NDRG3: variants seen among roughly 807,000 people sequenced by gnomAD.
NDRG3 encodes NDRG family member 3, also known as protein NDRG3.
A neutral mutation model predicts 57.2 loss-of-function variants in NDRG3; 23 were observed. The ratio of observed to expected loss-of-function variants is 0.40; its 90% CI spans 0.29 to 0.57. NDRG3 has a LOEUF of 0.57. NDRG3 is among the 20% of genes least tolerant of loss of function. The probability of loss-of-function intolerance (pLI) is 0.42; values close to 1 mark genes in which losing one functional copy is unlikely to be tolerated. For missense variants in NDRG3, 384 were observed against 457.3 expected (o/e 0.84, Z 1.46); for synonymous variants, 132 against 162.6 (o/e 0.81, Z 1.43).
rs550880505 is a variant in NDRG3, at chr20:36,712,545, G to GCCACCAT, written c.58-5545_58-5539dup. Among the ~76,000 whole-genome samples the GCCACCAT allele has an allele frequency of 6.1e-3, 678 of 111,176 alleles. 3 individuals are homozygous for GCCACCAT. Among genetic ancestry groups the GCCACCAT allele is most frequent in the South Asian group, 0.011 (36 of 3,216 alleles). The allele number at this position is 111,176 out of a possible 152,430, so 72.9% of individuals were successfully genotyped here. On this transcript the variant is annotated intron_variant, in intron 2 of 15. Coordinates refer to ENST00000349004, the MANE Select transcript of NDRG3 (RefSeq NM_032013.4). ...TGAGTAGCTGGGACTACTGGCATGT[G>GCCACCAT]CCACCATGCCCGGCTATATATATAT...
intron 15 of NDRG3, among the ~76,000 whole-genome samples, chr20:36,654,564 T>G (rs1341763323): frequency 6.6e-6 from 1 of 152,220 alleles, no homozygotes; most frequent in Non-Finnish European, 1.5e-5. Context: ...CTATCAAGTT[T>G]CAGCTGCTGC....
At chr20:36,717,713 C>T (rs1984356745) in intron 2 of NDRG3, among the ~76,000 whole-genome samples, 1 of 152,130 alleles carries the variant, frequency 6.6e-6, no homozygotes, top group South Asian at 2.1e-4. Flanking sequence ...GCAGGACAGG[C>T]AAAAACAACA....
At chr20:36,701,846 C>T (rs1185467503) in intron 3 of NDRG3, among the ~76,000 whole-genome samples, 2 of 146,270 alleles carry the variant, frequency 1.4e-5, no homozygotes, top group Admixed American at 1.4e-4. Context: ...CTGTGCCCAG[C>T]TGAGACCCTG....
At chr20:36,726,347 T>C (rs565823203) in intron 1 of NDRG3, among the ~76,000 whole-genome samples, 1 of 152,246 alleles carries the variant, frequency 6.6e-6, no homozygotes, top group Admixed American at 6.5e-5. Flanking sequence ...CAGGCGACAA[T>C]GTTGTGCAGG....
intron 3 of NDRG3, among the ~76,000 whole-genome samples, chr20:36,694,990 C>T (rs550460534): frequency 6.6e-6 from 1 of 152,196 alleles, no homozygotes; most frequent in South Asian, 2.1e-4. Context: ...GTCAGGGACC[C>T]CAAACAGAGG....
In NDRG3 at chr20:36,712,587, A is replaced by ATTTTTTTTTTTTTT; in HGVS notation, c.58-5594_58-5581dup. Reference sequence around the variant, plus strand: ...TATATATATATATATATATATATATATTTTTTTTTTTTTTTTTTTTTTTTT... The same window carrying ATTTTTTTTTTTTTT: ...TATATATATATATATATATATATATATTTTTTTTTTTTTTTTTTTTTTTTTTTTTTTTTTTTTTT... On this transcript the variant is annotated intron_variant, in intron 2 of 15. Transcript: ENST00000349004. Among the ~76,000 whole-genome samples, 2 of 5,912 alleles carry ATTTTTTTTTTTTTT rather than the reference A, an allele frequency of 3.4e-4. 1 individual carries two copies. The highest frequency in any genetic ancestry group is 6.2e-4 in the Non-Finnish European group (2 of 3,234). The allele number at this position is 5,912 out of a possible 152,430, so 3.9% of individuals were successfully genotyped here. A position where few individuals can be genotyped will look rare whatever the true frequency, so the allele number is the denominator to read the frequency against.
intron 5 of NDRG3, 111 bp downstream of exon 5, chr20:36,687,381 C>T: frequency 7.3e-7 from 1 of 1,362,250 alleles, no homozygotes; most frequent in South Asian, 1.4e-5. Flanking sequence ...ATAAGCATAA[C>T]CTATAGACGG....
intron 3 of NDRG3, among the ~76,000 whole-genome samples, chr20:36,698,890 A>C (rs1983022293): frequency 6.6e-6 from 1 of 152,154 alleles, no homozygotes; most frequent in African/African-American, 2.4e-5. Context: ...CAATATTTTA[A>C]AAAGCAACAC....
chr20:36,712,081 C>A (rs1466260697), intron 2 of NDRG3, among the ~76,000 whole-genome samples: 1 of 152,072 alleles, frequency 6.6e-6, no homozygotes, highest in Non-Finnish European at 1.5e-5. Flanking sequence ...AGCCACCGCA[C>A]CTGGTTGTTT....
At chr20:36,702,121 C>A (rs1219022467) in intron 3 of NDRG3, among the ~76,000 whole-genome samples, 1 of 151,956 alleles carries the variant, frequency 6.6e-6, no homozygotes, top group East Asian at 1.9e-4. Context: ...ATTTGCATGA[C>A]AACATACTCT....
intron 1 of NDRG3, among the ~76,000 whole-genome samples, chr20:36,744,288 G>A (rs1013334596): frequency 6.6e-6 from 1 of 152,074 alleles, no homozygotes; most frequent in South Asian, 2.1e-4. Context: ...GGTAAATGGT[G>A]ATGACAAGTT....
chr20:36,707,635 A>G (rs776573937), intron 2 of NDRG3, among the ~76,000 whole-genome samples: 14 of 152,220 alleles, frequency 9.2e-5, no homozygotes, highest in Non-Finnish European at 1.6e-4. Context: ...ATCATTTAAA[A>G]AGTCAAACAC....
chr20:36,711,289 T>A lies in NDRG3; in HGVS notation c.58-4282A>T, dbSNP rs200270114. Among the ~76,000 whole-genome samples, 443 of 149,048 alleles carry A rather than the reference T, an allele frequency of 3.0e-3. 12 individuals carry two copies. The East Asian group carries it at 0.048, about 16-fold the overall frequency. The stretch of plus-strand genomic sequence containing the variant: ...GCGAGACTCCGTCTCAAAAAAAAAA[T>A]AATAATAATAAATAAATAAATAAAT... On this transcript the variant is annotated intron_variant, in intron 2 of 15. Coordinates refer to ENST00000349004, the MANE Select transcript of NDRG3 (RefSeq NM_032013.4).
At chr20:36,656,293 C>G (rs1978660411) in intron 15 of NDRG3, 67 bp downstream of exon 15, 1 of 1,508,488 alleles carries the variant, frequency 6.6e-7, no homozygotes, top group African/African-American at 1.4e-5. Flanking sequence ...ATTGTGGGCT[C>G]CCAGATGTGA....
At chr20:36,680,263 G>A (rs1981145356) in intron 8 of NDRG3, among the ~76,000 whole-genome samples, 1 of 151,686 alleles carries the variant, frequency 6.6e-6, no homozygotes, top group African/African-American at 2.4e-5. Context: ...GAGGCGGGTG[G>A]ATCACAAGGT....
chr20:36,725,972 A>G (rs1226448845), intron 1 of NDRG3, among the ~76,000 whole-genome samples: 1 of 136,616 alleles, frequency 7.3e-6, no homozygotes, highest in Non-Finnish European at 1.5e-5. Context: ...TCTTTCACCT[A>G]GGCTGGAGTG....
At position 36,656,498 on chromosome 20, in the gene NDRG3, T is replaced by C; in HGVS notation, c.893A>G (p.Gln298Arg). 1 of 1,614,162 alleles carries C rather than the reference T, an allele frequency of 6.2e-7. No individual in the cohort carries two copies. Among genetic ancestry groups the C allele is most frequent in the African/African-American group, 1.3e-5 (1 of 75,056 alleles). ...ADCGGLPQVV[Q>R]PGKLTEAFKY... ...GTGTTTAAAAAAAATTCTCCTTACCTGAACTACCTGGGGCAGTCCCCCACA... is the reference window on the plus strand; with the variant it reads ...GTGTTTAAAAAAAATTCTCCTTACCCGAACTACCTGGGGCAGTCCCCCACA... Residue 298 changes from glutamine (Q) to arginine (R), a missense_variant and splice_region_variant, in exon 14 of 16, where the codon CAG becomes CGG. Physicochemically the swap from Gln to Arg is conservative, Grantham distance 43. Coordinates refer to ENST00000349004, the MANE Select transcript of NDRG3 (RefSeq NM_032013.4).
intron 3 of NDRG3, among the ~76,000 whole-genome samples, chr20:36,688,995 G>C (rs1293691212): frequency 6.6e-6 from 1 of 152,006 alleles, no homozygotes; most frequent in African/African-American, 2.4e-5. Flanking sequence ...GGACTTTGAG[G>C]ATCAGCCTGG....
intron 2 of NDRG3, among the ~76,000 whole-genome samples, chr20:36,719,446 C>A (rs970217724): frequency 1.4e-5 from 2 of 146,164 alleles, no homozygotes; most frequent in Admixed American, 6.8e-5. Flanking sequence ...AAAAAAAAAG[C>A]CTGCAGCTTG....
Sources: allele counts gnomAD v4.1 joint callset (sites outside exome capture counted in the v4.1 genomes callset), GRCh38; gene constraint gnomAD v4.1.1; transcripts MANE v1.5; gene names NCBI Gene and HGNC (gene_info 2026-07-23, HGNC 2026-07-21).